The following MAN2A1 variants were observed in gnomAD, a reference collection of about 807,000 sequenced individuals.
MAN2A1 encodes the protein alpha-mannosidase 2.
MAN2A1 carries 76 observed loss-of-function variants against 142.6 expected under a neutral mutation model. That is an observed-to-expected ratio of 0.53 (90% CI 0.44 to 0.65). The LOEUF (loss-of-function observed/expected upper bound fraction) is 0.65. Ranked by LOEUF, MAN2A1 falls within the 30% of genes least tolerant of loss-of-function variation. MAN2A1 has a pLI of 0.00. For missense variants in MAN2A1, 1,311 were observed against 1,365.1 expected, an observed-to-expected ratio of 0.96 and a Z score of 0.62; for synonymous variants, 559 against 473.2, an observed-to-expected ratio of 1.18 and a Z score of -2.35.
chr5:109,745,965 C>T (rs543578094), intron 4 of MAN2A1, among the ~76,000 whole-genome samples: 6 of 152,010 alleles, frequency 3.9e-5, no homozygotes, highest in Non-Finnish European at 8.8e-5. Context: ...AGCTACAGTT[C>T]TGTTACTTTT....
chr5:109,727,531 T>C (rs898376659), intron 3 of MAN2A1, among the ~76,000 whole-genome samples: 1 of 152,170 alleles, frequency 6.6e-6, no homozygotes, highest in Non-Finnish European at 1.5e-5. Context: ...AACAAGGGCA[T>C]AGAGTGAATT....
intron 12 of MAN2A1, among the ~76,000 whole-genome samples, chr5:109,805,206 A>G (rs1431909751): frequency 6.6e-6 from 1 of 152,190 alleles, no homozygotes; most frequent in Non-Finnish European, 1.5e-5. Flanking sequence ...GCCAAATTAT[A>G]TACAATTTGT....
chr5:109,754,013 A>G (rs537034516), intron 4 of MAN2A1, among the ~76,000 whole-genome samples: 2 of 151,708 alleles, frequency 1.3e-5, no homozygotes, highest in Admixed American at 6.6e-5. Context: ...GGCTCAAGCA[A>G]TCCTCCCACC....
At chr5:109,804,633 A>C (rs1379698543) in intron 12 of MAN2A1, among the ~76,000 whole-genome samples, 1 of 152,142 alleles carries the variant, frequency 6.6e-6, no homozygotes, top group Non-Finnish European at 1.5e-5. Flanking sequence ...ATTGTTTCTA[A>C]AAATACTTTG....
At chr5:109,781,939 G>T (rs967231479) in intron 9 of MAN2A1, among the ~76,000 whole-genome samples, 1 of 152,092 alleles carries the variant, frequency 6.6e-6, no homozygotes, top group African/African-American at 2.4e-5. Context: ...GTGTCTGCAG[G>T]CTGGTAATCT....
At chr5:109,771,932 A>G (rs577758827) in intron 7 of MAN2A1, among the ~76,000 whole-genome samples, 74 of 152,242 alleles carry the variant, frequency 4.9e-4, no homozygotes, top group African/African-American at 1.3e-3. Context: ...ATTATTGAGG[A>G]AAAAAAGGCT....
intron 17 of MAN2A1, among the ~76,000 whole-genome samples, chr5:109,842,834 C>A (rs1580309432): frequency 1.4e-5 from 1 of 71,998 alleles, no homozygotes; most frequent in Non-Finnish European, 2.7e-5. Flanking sequence ...GAGAAAGAGT[C>A]TCGCTCTGTT....
In MAN2A1 at chr5:109,790,980, G is replaced by A. The variant is rs549056809; in HGVS notation, c.1943+1453G>A. Among the ~76,000 whole-genome samples the A allele has an allele frequency of 3.9e-5, 6 of 152,064 alleles. No individual in the cohort carries two copies. In the East Asian group the frequency reaches 9.7e-4, roughly 24 times the overall value. On this transcript the variant is annotated intron_variant, in intron 12 of 21. Transcript: ENST00000261483. ...TGATAATTTTGCCTTTCTAATGCCA[G>A]AAGAAGAAAGTTAGGAAATGTAGTA... is the stretch of plus-strand genomic sequence containing the variant.
chr5:109,794,075 AGCC>A, intron 12 of MAN2A1: 1 of 152,320 alleles, frequency 6.6e-6, no homozygotes, highest in African/African-American at 2.4e-5. Context: ...TAAATGAAGA[AGCC>A]AAACTCGCAA....
intron 3 of MAN2A1, among the ~76,000 whole-genome samples, chr5:109,723,047 G>T (rs996905626): frequency 1.3e-5 from 2 of 152,100 alleles, no homozygotes; most frequent in African/African-American, 4.8e-5. Flanking sequence ...ATGAGAAAAA[G>T]TATGCAGGTC....
intron 12 of MAN2A1, among the ~76,000 whole-genome samples, chr5:109,792,089 C>T (rs572118308): frequency 6.6e-6 from 1 of 152,026 alleles, no homozygotes; most frequent in South Asian, 2.1e-4. Context: ...AAAGAAAAGC[C>T]CTCCCATAAC....
chr5:109,857,355 G>A (rs550270354), intron 20 of MAN2A1, among the ~76,000 whole-genome samples: 1 of 152,298 alleles, frequency 6.6e-6, no homozygotes, highest in East Asian at 1.9e-4. Flanking sequence ...TCCCCGAGGT[G>A]TCGTGTCATA....
At chr5:109,712,854 C>G (rs564310000) in intron 1 of MAN2A1, among the ~76,000 whole-genome samples, 68 of 152,258 alleles carry the variant, frequency 4.5e-4, no homozygotes, top group Non-Finnish European at 8.2e-4. Context: ...TGTCCCTGCT[C>G]TCATAAGGTG....
chr5:109,731,341 T>C (rs892451041), intron 4 of MAN2A1, among the ~76,000 whole-genome samples: 2 of 148,304 alleles, frequency 1.3e-5, no homozygotes, highest in Non-Finnish European at 3.0e-5. Flanking sequence ...CTATTAAAAA[T>C]AGGAAAGCGT....
chr5:109,727,800 T>C (rs551209760), intron 3 of MAN2A1, among the ~76,000 whole-genome samples: 9 of 152,324 alleles, frequency 5.9e-5, no homozygotes, highest in South Asian at 2.1e-4. Flanking sequence ...GGTTGGACTT[T>C]CTGGGCTATT....
At chr5:109,822,691 T>C (rs2112729398) in intron 15 of MAN2A1, among the ~76,000 whole-genome samples, 1 of 152,270 alleles carries the variant, frequency 6.6e-6, no homozygotes, top group Middle Eastern at 3.4e-3. Context: ...AATTTTTTTT[T>C]TTTGGAGACG....
At chr5:109,752,414 A>G (rs1237292872) in intron 4 of MAN2A1, among the ~76,000 whole-genome samples, 3 of 152,256 alleles carry the variant, frequency 2.0e-5, no homozygotes, top group Admixed American at 6.5e-5. Context: ...TTGAATGACC[A>G]TTATCTGCCA....
intron 4 of MAN2A1, 82 bp from the exon 5 acceptor site, chr5:109,755,247 C>G: frequency 2.7e-6 from 3 of 1,094,306 alleles, no homozygotes; most frequent in Non-Finnish European, 4.1e-6. Context: ...AAAGGCTGTT[C>G]TTAATGTTTA....
At chr5:109,854,850 G>C (rs546906380) in intron 19 of MAN2A1, 101 of 231,140 alleles carry the variant, frequency 4.4e-4, no homozygotes, top group African/African-American at 2.2e-3. Context: ...TTCATAAAAA[G>C]GTATGCCTTG....
Sources: allele counts gnomAD v4.1 joint callset (sites outside exome capture counted in the v4.1 genomes callset), GRCh38; gene constraint gnomAD v4.1.1; transcripts MANE v1.5; gene names NCBI Gene and HGNC (gene_info 2026-07-23, HGNC 2026-07-21).